The following SGSM1 variants were observed in gnomAD, a reference collection of about 807,000 sequenced individuals.
SGSM1 encodes RUN and TBC1 domain containing 2.
In SGSM1, 73 loss-of-function variants were observed where a neutral mutation model predicts 133.8. The ratio of observed to expected loss-of-function variants is 0.55; its 90% CI spans 0.45 to 0.66. The LOEUF (loss-of-function observed/expected upper bound fraction) is 0.66, where lower values mean the gene tolerates loss of function less well. Among genes scored for constraint, SGSM1 ranks in the 30% least tolerant of loss-of-function variants. The pLI, the probability that SGSM1 is intolerant of heterozygous loss-of-function variation, is 0.00. For missense variants in SGSM1, 1,213 were observed against 1,448.1 expected (o/e 0.84, Z 2.64); for synonymous variants, 563 against 573.0 (o/e 0.98, Z 0.25).
intron 5 of SGSM1, 46 bp downstream of exon 5, chr22:24,850,478 G>C (rs763517184): frequency 1.3e-6 from 2 of 1,592,470 alleles, no homozygotes; most frequent in South Asian, 2.2e-5. Context: ...GCCCCCACCT[G>C]CCGGCCGTTG....
chr22:24,832,943 T>G (rs1003703179), intron 2 of SGSM1, among the ~76,000 whole-genome samples: 3 of 151,626 alleles, frequency 2.0e-5, no homozygotes, highest in Admixed American at 2.0e-4. Flanking sequence ...ATTTCCTCTT[T>G]TTTTTTTTTC....
chr22:24,919,175 G>A (rs933010000), intron 23 of SGSM1, among the ~76,000 whole-genome samples: 1 of 151,036 alleles, frequency 6.6e-6, no homozygotes, highest in Non-Finnish European at 1.5e-5. Flanking sequence ...AGCCTCTTGA[G>A]TAGCTGGGAT....
chr22:24,819,154 A>AAC (rs1555919583), intron 2 of SGSM1, among the ~76,000 whole-genome samples: 16 of 151,596 alleles, frequency 1.1e-4, no homozygotes, highest in Admixed American at 1.3e-4. Context: ...AAAAAAAAAA[A>AAC]AAAACAATAA....
At chr22:24,831,620 T>C (rs1366603594) in intron 2 of SGSM1, among the ~76,000 whole-genome samples, 1 of 152,168 alleles carries the variant, frequency 6.6e-6, no homozygotes, top group African/African-American at 2.4e-5. Flanking sequence ...CTCTGCCCTT[T>C]CTTCCCATCC....
At chr22:24,917,846 G>T in intron 23 of SGSM1, 92 bp downstream of exon 23, 6 of 981,902 alleles carry the variant, frequency 6.1e-6, no homozygotes, top group Non-Finnish European at 7.7e-6. Context: ...TGAGGGGTTG[G>T]CAACAGAGGC....
At chr22:24,886,247 AAAAATT>A (rs1932591640) in intron 15 of SGSM1, among the ~76,000 whole-genome samples, 1 of 151,100 alleles carries the variant, frequency 6.6e-6, no homozygotes, top group African/African-American at 2.4e-5. Context: ...CTAAAAATAC[AAAAATT>A]AGCTGGATGT....
chr22:24,901,992 G>C (rs1933182542), intron 20 of SGSM1, 35 bp downstream of exon 20: 1 of 653,972 alleles, frequency 1.5e-6, no homozygotes, highest in Non-Finnish European at 2.4e-6. Context: ...TAGGGGATGG[G>C]GATGGTGGGT....
chr22:24,884,105 G>A lies in SGSM1; in HGVS notation c.1548G>A (p.Leu516=), dbSNP rs762736586. ...CCGTGAGAACCCACCTATCAGCCCT[G>A]GTCAATCACATGATCGTGTCTCCAG... ...LSTVRTHLSA[L]VNHMIVSPDL... The change falls in exon 15 of 25, where the codon CTG becomes CTA. Residue 516 remains leucine, a synonymous_variant. Transcript: ENST00000400358. The A allele has an allele frequency of 6.2e-7, 1 of 1,613,676 alleles. No homozygotes were observed. Among genetic ancestry groups the A allele is most frequent in the Admixed American group, 1.7e-5 (1 of 59,982 alleles).
rs550385588 is a variant in SGSM1 at position 24,924,598 on chromosome 22, T to A, written c.*324T>A. On this transcript the variant is annotated 3_prime_UTR_variant, in exon 25 of 25. Coordinates refer to ENST00000400358, the MANE Select transcript of SGSM1 (RefSeq NM_001098497.3). The stretch of plus-strand genomic sequence containing the variant: ...TGCCCGGAATGGTCTCCTCTTCTTC[T>A]TTCCCTATCCCTCCAAACTGTCTTG... 2.7e-5 allele frequency: 10 copies of A among 372,454 alleles called. No individual in the cohort carries two copies. Among genetic ancestry groups the A allele is most frequent in the African/African-American group, 1.6e-4 (8 of 48,814 alleles). The allele number at this position is 372,454 out of a possible 1,614,324, so 23.1% of individuals were successfully genotyped here.
chr22:24,845,926 C>CTTTCTTTTCT lies in SGSM1; in HGVS notation c.139+967_139+976dup, dbSNP rs1216524285. Among the ~76,000 whole-genome samples the CTTTCTTTTCT allele has an allele frequency of 3.8e-3, 563 of 147,066 alleles. 5 individuals carry two copies. Among genetic ancestry groups the CTTTCTTTTCT allele is most frequent in the Non-Finnish European group, 6.1e-3 (406 of 66,922 alleles). On this transcript the variant is annotated intron_variant, in intron 3 of 24. Coordinates refer to ENST00000400358, the MANE Select transcript of SGSM1 (RefSeq NM_001098497.3). ...TCTTGTAATTGACTTTGGGCAAGAT[C>CTTTCTTTTCT]TTTCTTTTCTTTTCTTTTCTTTCTT...
intron 16 of SGSM1, among the ~76,000 whole-genome samples, chr22:24,887,542 A>G (rs1932687502): frequency 6.6e-6 from 1 of 152,150 alleles, no homozygotes; most frequent in Non-Finnish European, 1.5e-5. Flanking sequence ...GCTGTAATGA[A>G]CATTCGTGTA....
intron 18 of SGSM1, among the ~76,000 whole-genome samples, chr22:24,897,224 G>T (rs572580071): frequency 8.5e-4 from 128 of 150,598 alleles, no homozygotes; most frequent in African/African-American, 3.0e-3. Flanking sequence ...TAATAAAAAT[G>T]CAAAAATCAG....
chr22:24,876,494 C>T, intron 12 of SGSM1, 83 bp from the exon 13 acceptor site: 3 of 1,565,734 alleles, frequency 1.9e-6, no homozygotes, highest in Middle Eastern at 4.3e-4. Flanking sequence ...GGCGGGTGAG[C>T]TGCTTGCTCT....
At chr22:24,839,205 C>A (rs890982114) in intron 2 of SGSM1, among the ~76,000 whole-genome samples, 1 of 152,130 alleles carries the variant, frequency 6.6e-6, no homozygotes, top group African/African-American at 2.4e-5. Context: ...CAGGCACATG[C>A]CACCATGCCT....
At chr22:24,821,253 T>C (rs184262770) in intron 2 of SGSM1, among the ~76,000 whole-genome samples, 47 of 152,340 alleles carry the variant, frequency 3.1e-4, no homozygotes, top group Admixed American at 1.0e-3. Context: ...GCCAGGCTGG[T>C]CTCGAAATCC....
At position 24,924,543 on chromosome 22, in the gene SGSM1, G is replaced by C. The variant is rs1463433631; in HGVS notation, c.*269G>C. 1 of 480,454 alleles carries C rather than the reference G, an allele frequency of 2.1e-6. No individual in the cohort carries two copies. The highest frequency in any genetic ancestry group is 1.9e-5 in the African/African-American group (1 of 51,478). 29.8% of individuals were successfully genotyped at this position (480,454 alleles called of 1,614,324 possible). A position where few individuals can be genotyped will look rare whatever the true frequency, so the allele number is the denominator to read the frequency against. The stretch of plus-strand genomic sequence containing the variant: ...TCCCTTGCAGGAGGTGGAGGTTGTT[G>C]GTGGAGGAGGAGCCATCTTTGTTTG... On this transcript the variant is annotated 3_prime_UTR_variant, in exon 25 of 25. Transcript: ENST00000400358.
At position 24,868,770 on chromosome 22, in the gene SGSM1, C is replaced by T. The variant is rs754732595; in HGVS notation, c.1206C>T (p.Ala402=). 5 of 1,613,986 alleles carry T rather than the reference C, an allele frequency of 3.1e-6. No individual in the cohort carries two copies. The highest frequency in any genetic ancestry group is 2.2e-5 in the East Asian group (1 of 44,878). ...GCAAGCGAAGCCCTCAGGGTTCTGC[C>T]GAGTCCACATCTTCAGACAAAGATG... ...KLRKRSPQGS[A]ESTSSDKDDD... Residue 402 remains alanine (A), a synonymous_variant, in exon 12 of 25, where the codon GCC becomes GCT. Coordinates refer to ENST00000400358, the MANE Select transcript of SGSM1 (RefSeq NM_001098497.3).
At chr22:24,922,423 G>T (rs1268480835) in intron 24 of SGSM1, among the ~76,000 whole-genome samples, 1 of 140,700 alleles carries the variant, frequency 7.1e-6, no homozygotes, top group East Asian at 2.2e-4. Context: ...CTCGTGATCC[G>T]CCCACCTCGG....
At chr22:24,882,119 CGGCTAGACGCAATTAT>C in intron 14 of SGSM1, among the ~76,000 whole-genome samples, 1 of 152,154 alleles carries the variant, frequency 6.6e-6, no homozygotes, top group South Asian at 2.1e-4. Context: ...CTTGTCACCC[CGGCTAGACGCAATTAT>C]GGTTCACTGC....
Sources: allele counts gnomAD v4.1 joint callset (sites outside exome capture counted in the v4.1 genomes callset), GRCh38; gene constraint gnomAD v4.1.1; transcripts MANE v1.5; gene names NCBI Gene and HGNC (gene_info 2026-07-23, HGNC 2026-07-21).